Variants in GABBR2 observed in about 807,000 individuals in gnomAD.
GABBR2 encodes gamma-aminobutyric acid type B receptor subunit 2.
GABBR2 carries 23 observed loss-of-function variants against 105.6 expected under a neutral mutation model. The ratio of observed to expected loss-of-function variants is 0.22; its 90% confidence interval spans 0.16 to 0.31. The LOEUF is 0.31. Among genes scored for constraint, GABBR2 ranks in the 10% least tolerant of loss-of-function variants. GABBR2 has a pLI of 1.00. For synonymous variants in GABBR2, 478 were observed against 499.7 expected, an observed-to-expected ratio of 0.96 and a Z score of 0.58; for missense variants, 734 against 1,245.5, an observed-to-expected ratio of 0.59 and a Z score of 6.18.
chr9:98,392,383 G>C (rs1040246193), intron 9 of GABBR2, among the ~76,000 whole-genome samples: 1 of 152,232 alleles, frequency 6.6e-6, no homozygotes, highest in African/African-American at 2.4e-5. Context: ...CAGACATGCC[G>C]ATCTTGGGGA....
intron 3 of GABBR2, among the ~76,000 whole-genome samples, chr9:98,512,483 T>C (rs1355311490): frequency 6.6e-5 from 10 of 152,032 alleles, no homozygotes; most frequent in Admixed American, 1.3e-4. Flanking sequence ...TGTTTGCAGA[T>C]GACATGATTG....
chr9:98,625,951 T>C (rs1202280458), intron 1 of GABBR2, among the ~76,000 whole-genome samples: 1 of 151,328 alleles, frequency 6.6e-6, no homozygotes, highest in East Asian at 1.9e-4. Context: ...AAGCCTGACG[T>C]ACCTTAAACA....
chr9:98,506,968 C>T (rs564332621), intron 3 of GABBR2, among the ~76,000 whole-genome samples: 293 of 152,320 alleles, frequency 1.9e-3, no homozygotes, highest in South Asian at 9.3e-3. Context: ...CAGCCCACCA[C>T]TGCTCCTCGG....
intron 15 of GABBR2, 76 bp from the exon 16 acceptor site, chr9:98,303,499 C>T: frequency 7.8e-7 from 1 of 1,275,350 alleles, no homozygotes; most frequent in Admixed American, 1.9e-5. Flanking sequence ...GGCAGACTCT[C>T]CCAGCAGATC....
chr9:98,347,356 T>C (rs570273097), intron 13 of GABBR2, among the ~76,000 whole-genome samples: 20 of 152,352 alleles, frequency 1.3e-4, no homozygotes, highest in Non-Finnish European at 2.4e-4. Context: ...TTTCATGTAT[T>C]TGTTGGCTAT....
chr9:98,569,409 A>G (rs925418745), intron 2 of GABBR2, among the ~76,000 whole-genome samples: 1 of 151,710 alleles, frequency 6.6e-6, no homozygotes, highest in Non-Finnish European at 1.5e-5. Flanking sequence ...AAAGTAAAAA[A>G]CCCTGTTGTC....
intron 1 of GABBR2, among the ~76,000 whole-genome samples, chr9:98,673,970 C>T (rs975931464): frequency 2.6e-5 from 4 of 152,182 alleles, no homozygotes; most frequent in African/African-American, 9.7e-5. Flanking sequence ...ATCCTGTCCA[C>T]ATACCCCACA....
chr9:98,297,165 C>T (rs1830394969), intron 17 of GABBR2, among the ~76,000 whole-genome samples: 1 of 152,086 alleles, frequency 6.6e-6, no homozygotes, highest in South Asian at 2.1e-4. Context: ...ATTTAAAATG[C>T]CCACTTTTAC....
chr9:98,404,199 CA>C (rs55680554), intron 8 of GABBR2, among the ~76,000 whole-genome samples: 7,121 of 144,908 alleles, frequency 0.049, 201 homozygotes, highest in South Asian at 0.07. Flanking sequence ...TGCAATCACT[CA>C]AAAAAAAAAA....
intron 6 of GABBR2, among the ~76,000 whole-genome samples, chr9:98,463,844 C>A (rs781185316): frequency 6.6e-6 from 1 of 152,206 alleles, no homozygotes. Context: ...CTGTGTTGAC[C>A]GGGCTGGTGT....
intron 17 of GABBR2, among the ~76,000 whole-genome samples, chr9:98,298,173 T>C (rs1274417681): frequency 1.3e-5 from 2 of 152,190 alleles, no homozygotes; most frequent in Admixed American, 6.5e-5. Flanking sequence ...AAAAATGCAT[T>C]CACACACACA....
intron 3 of GABBR2, among the ~76,000 whole-genome samples, chr9:98,506,945 C>A (rs866680218): frequency 6.6e-6 from 1 of 152,128 alleles, no homozygotes. Flanking sequence ...AGGCTGTAGG[C>A]TGCTCCTCTC....
chr9:98,646,267 A>G (rs1169936534), intron 1 of GABBR2, among the ~76,000 whole-genome samples: 1 of 152,176 alleles, frequency 6.6e-6, no homozygotes. Flanking sequence ...GAATTTTGGT[A>G]TGTGTTAAGC....
At chr9:98,425,893 G>A (rs181309435) in intron 7 of GABBR2, among the ~76,000 whole-genome samples, 239 of 152,316 alleles carry the variant, frequency 1.6e-3, no homozygotes, top group Non-Finnish European at 2.4e-3. Context: ...GGGCAGGTCC[G>A]GGAAGGCTTC....
Position 98,439,970 on chromosome 9 carries a change from C to G in GABBR2, c.1236+14011G>C, listed in dbSNP as rs1201680665. On this transcript the variant is annotated intron_variant, in intron 7 of 18. Transcript: ENST00000259455. ...CCCAGTATTTTGGCCTCTTTAGGGC[C>G]AAAGCACCATCATTCCCCAGCTCCT... 2.0e-5 allele frequency among the ~76,000 whole-genome samples: 3 copies of G among 152,294 alleles called. No individual in the cohort carries two copies. In the East Asian group the frequency reaches 5.8e-4, roughly 29 times the overall value.
chr9:98,691,466 C>T (rs1275433019), intron 1 of GABBR2, among the ~76,000 whole-genome samples: 1 of 152,192 alleles, frequency 6.6e-6, no homozygotes, highest in Non-Finnish European at 1.5e-5. Flanking sequence ...GTGACCTTGC[C>T]CAGCTCTCCG....
intron 1 of GABBR2, among the ~76,000 whole-genome samples, chr9:98,611,808 C>T (rs753334489): frequency 3.3e-5 from 5 of 152,324 alleles, no homozygotes; most frequent in Admixed American, 6.5e-5. Flanking sequence ...CTAGACCTCA[C>T]GTTCCATGGC....
chr9:98,654,566 G>A (rs1830153968), intron 1 of GABBR2, among the ~76,000 whole-genome samples: 2 of 152,184 alleles, frequency 1.3e-5, no homozygotes, highest in South Asian at 2.1e-4. Flanking sequence ...GAAAAGCACC[G>A]AGGGTTAGAG....
intron 2 of GABBR2, among the ~76,000 whole-genome samples, chr9:98,546,294 G>T: frequency 6.6e-6 from 1 of 152,028 alleles, no homozygotes; most frequent in East Asian, 1.9e-4. Context: ...TTGTTTACTT[G>T]ATCTATCAAA....
Sources: gnomAD v4.1 joint callset for allele counts (sites outside exome capture counted in the v4.1 genomes callset) on GRCh38, gnomAD v4.1.1 for gene constraint, MANE v1.5 for transcripts, NCBI Gene and HGNC (gene_info 2026-07-23, HGNC 2026-07-21) for gene names.